The following CAST variants were observed in gnomAD, a reference collection of about 807,000 sequenced individuals.
CAST encodes the protein MIR583 host.
CAST carries 76 observed loss-of-function variants against 119.6 expected under a neutral mutation model. The ratio of observed to expected loss-of-function variants is 0.64; its 90% CI spans 0.53 to 0.77. The LOEUF is 0.77. Ranked by LOEUF, CAST falls within the 30% of genes least tolerant of loss-of-function variation. The pLI is 0.00. For missense variants in CAST, 953 were observed against 946.5 expected, an observed-to-expected ratio of 1.01 and a Z score of -0.09; for synonymous variants, 319 against 331.6, an observed-to-expected ratio of 0.96 and a Z score of 0.41.
At chr5:96,220,417 C>A in the CAST span, among the ~76,000 whole-genome samples, 5 of 151,964 alleles carry the variant, frequency 3.3e-5, no homozygotes, top group Admixed American at 6.6e-5. Context: ...GTTAACATGA[C>A]CATGGTAAAG....
chr5:96,540,285 A>C (rs1212793550), intron 1 of CAST, among the ~76,000 whole-genome samples: 1 of 152,026 alleles, frequency 6.6e-6, no homozygotes, highest in Non-Finnish European at 1.5e-5. Context: ...CCCTATCTCC[A>C]TCTGTTATCA....
chr5:96,242,939 T>G, the CAST span, among the ~76,000 whole-genome samples: 1 of 152,242 alleles, frequency 6.6e-6, no homozygotes, highest in East Asian at 1.9e-4. Flanking sequence ...CATTGAGGTT[T>G]CTTCATATTT....
chr5:96,466,981 C>T, the CAST span, among the ~76,000 whole-genome samples: 1 of 152,154 alleles, frequency 6.6e-6, no homozygotes. Context: ...TTTTTCCCTA[C>T]ATCTTTGCAA....
chr5:96,351,215 T>C, the CAST span, among the ~76,000 whole-genome samples: 2 of 152,136 alleles, frequency 1.3e-5, no homozygotes, highest in East Asian at 3.9e-4. Context: ...TGAGTGTGTA[T>C]AATGGATTGT....
the CAST span, among the ~76,000 whole-genome samples, chr5:96,357,920 T>G: frequency 1.3e-5 from 2 of 152,242 alleles, no homozygotes; most frequent in Admixed American, 6.5e-5. Context: ...AGCTCCTTTT[T>G]GTACCTCTGG....
chr5:96,012,804 T>A, the CAST span, among the ~76,000 whole-genome samples: 1 of 152,210 alleles, frequency 6.6e-6, no homozygotes, highest in African/African-American at 2.4e-5. Flanking sequence ...CTTTGGCTAA[T>A]GGCATAGGGT....
chr5:96,536,392 C>T (rs1352375086), intron 1 of CAST, among the ~76,000 whole-genome samples: 1 of 152,112 alleles, frequency 6.6e-6, no homozygotes, highest in African/African-American at 2.4e-5. Context: ...GACAGTGGAA[C>T]AACAGTATCC....
chr5:96,273,985 C>T, the CAST span, among the ~76,000 whole-genome samples: 1,086 of 152,194 alleles, frequency 7.1e-3, 11 homozygotes, highest in African/African-American at 0.025. Context: ...GGAGAGGACA[C>T]ACCTGAAATT....
At chr5:96,128,411 T>C in the CAST span, among the ~76,000 whole-genome samples, 3 of 152,126 alleles carry the variant, frequency 2.0e-5, no homozygotes, top group African/African-American at 4.8e-5. Flanking sequence ...AGCACTCACC[T>C]TCAGTGAGTC....
At chr5:96,410,773 C>G in the CAST span, 1 of 1,611,070 alleles carries the variant, frequency 6.2e-7, no homozygotes, top group South Asian at 1.1e-5. Context: ...AAGCAACATA[C>G]GATTCTCTGG....
the CAST span, among the ~76,000 whole-genome samples, chr5:96,388,714 AG>A: frequency 6.6e-6 from 1 of 152,202 alleles, no homozygotes. Context: ...CTTGTATTTA[AG>A]AATTAATCTG....
chr5:96,190,058 G>T, the CAST span, among the ~76,000 whole-genome samples: 2 of 152,010 alleles, frequency 1.3e-5, no homozygotes, highest in Non-Finnish European at 2.9e-5. Flanking sequence ...ATTTTTCTTG[G>T]CTGCTTGATA....
chr5:96,009,332 TG>T, the CAST span, among the ~76,000 whole-genome samples: 1 of 152,168 alleles, frequency 6.6e-6, no homozygotes, highest in Admixed American at 6.5e-5. Context: ...TACTCAGTAG[TG>T]GGGTTGCTAG....
intron 6 of CAST, 96 bp from the exon 7 acceptor site, chr5:96,729,057 C>T (rs1382590044): frequency 3.8e-6 from 3 of 782,702 alleles, no homozygotes; most frequent in Non-Finnish European, 6.4e-6. Context: ...CTGAAAAAGG[C>T]AGAATGTTTT....
chr5:96,645,202 C>T (rs7711838), intron 1 of CAST, among the ~76,000 whole-genome samples: 12,633 of 151,950 alleles, frequency 0.083, 1,476 homozygotes, highest in African/African-American at 0.26. Context: ...AAATATCTCT[C>T]GATATGAGCT....
the CAST span, among the ~76,000 whole-genome samples, chr5:96,398,002 T>C: frequency 4.8e-4 from 73 of 152,236 alleles, no homozygotes; most frequent in African/African-American, 1.6e-3. Context: ...CAATCTCTTA[T>C]ATTAAAAGAC....
the CAST span, among the ~76,000 whole-genome samples, chr5:95,974,994 G>A: frequency 2.0e-5 from 3 of 152,172 alleles, no homozygotes; most frequent in Admixed American, 6.5e-5. Context: ...AGCAGAGCAT[G>A]CCATGAAGGA....
At chr5:96,754,243 G>GT in intron 21 of CAST, 82 bp downstream of exon 21, 1 of 878,976 alleles carries the variant, frequency 1.1e-6, no homozygotes, top group Non-Finnish European at 1.9e-6. Flanking sequence ...CATTTGTTTT[G>GT]TTTTTTATAT....
intron 4 of CAST, among the ~76,000 whole-genome samples, chr5:96,723,403 TTAAAAA>T (rs1758663751): frequency 6.6e-6 from 1 of 152,192 alleles, no homozygotes; most frequent in African/African-American, 2.4e-5. Flanking sequence ...TTCTGAGCAC[TTAAAAA>T]TAAATATAAA....
Sources: gnomAD v4.1 joint callset for allele counts (sites outside exome capture counted in the v4.1 genomes callset) on GRCh38, gnomAD v4.1.1 for gene constraint, MANE v1.5 for transcripts, NCBI Gene and HGNC (gene_info 2026-07-23, HGNC 2026-07-21) for gene names.